USP34: variants seen among roughly 807,000 people sequenced by gnomAD.
The protein encoded by USP34 is ubiquitin carboxyl-terminal hydrolase 34.
In USP34, 70 loss-of-function variants were observed where a neutral mutation model predicts 460.3. The observed-to-expected ratio is 0.15, with a 90% confidence interval of 0.13 to 0.19. The LOEUF (loss-of-function observed/expected upper bound fraction) is 0.19, where lower values mean the gene tolerates loss of function less well. Ranked by LOEUF, USP34 falls within the 10% of genes least tolerant of loss-of-function variation. USP34 has a pLI of 1.00. For synonymous variants in USP34, 1,647 were observed against 1,405.3 expected (o/e 1.17, Z -3.85); for missense variants, 3,985 against 4,236.2 (o/e 0.94, Z 1.65).
intron 20 of USP34, among the ~76,000 whole-genome samples, chr2:61,327,721 T>C (rs1002033177): frequency 3.3e-5 from 5 of 152,140 alleles, no homozygotes; most frequent in Non-Finnish European, 7.3e-5. Context: ...ATGCTGCACT[T>C]CAAAGATCTC....
At position 61,454,494 on chromosome 2, in the gene USP34, TAGAGA is replaced by T. The variant is rs1030459472; in HGVS notation, c.43+16151_43+16155del. Among the ~76,000 whole-genome samples the T allele has an allele frequency of 5.3e-4, 80 of 152,158 alleles. 1 individual carries two copies. The East Asian group carries it at 0.012, about 22-fold the overall frequency. On this transcript the variant is annotated intron_variant, in intron 1 of 79. Transcript: ENST00000398571. ...GGAAAGCACTGGATCCATGGAGTTA[TAGAGA>T]AAACTTCTCTGTGTACTTTCATAAA...
At chr2:61,293,261 T>C (rs184079475) in intron 33 of USP34, among the ~76,000 whole-genome samples, 15 of 152,282 alleles carry the variant, frequency 9.9e-5, no homozygotes, top group Admixed American at 6.5e-4. Flanking sequence ...ATTAATTTTA[T>C]CAGAAGAATT....
At chr2:61,388,532 G>A (rs2442034) in intron 5 of USP34, among the ~76,000 whole-genome samples, 52,339 of 150,782 alleles carry the variant, frequency 0.35, 9,280 homozygotes, top group Admixed American at 0.4. Flanking sequence ...CGATGCAGGC[G>A]GATCATGAGG....
At chr2:61,463,725 T>G (rs540938345) in intron 1 of USP34, among the ~76,000 whole-genome samples, 1 of 151,740 alleles carries the variant, frequency 6.6e-6, no homozygotes, top group East Asian at 1.9e-4. Flanking sequence ...TCCCAGCTAC[T>G]CAGGAGGCTG....
chr2:61,410,850 A>T (rs908582129), intron 2 of USP34, among the ~76,000 whole-genome samples: 5 of 152,182 alleles, frequency 3.3e-5, no homozygotes, highest in African/African-American at 1.2e-4. Flanking sequence ...TTTACAAAGA[A>T]AAAGAAAAAT....
At chr2:61,428,810 G>C (rs914367942) in intron 1 of USP34, among the ~76,000 whole-genome samples, 2 of 152,108 alleles carry the variant, frequency 1.3e-5, no homozygotes, top group Non-Finnish European at 2.9e-5. Flanking sequence ...TAGGAAGTGA[G>C]GTTTGAAAAT....
At chr2:61,261,334 A>T (rs1028608594) in intron 43 of USP34, among the ~76,000 whole-genome samples, 1 of 152,260 alleles carries the variant, frequency 6.6e-6, no homozygotes, top group Non-Finnish European at 1.5e-5. Context: ...AAAAGGAAAG[A>T]ACTTCTGACA....
At chr2:61,275,211 G>A (rs998785164) in intron 41 of USP34, among the ~76,000 whole-genome samples, 1 of 152,128 alleles carries the variant, frequency 6.6e-6, no homozygotes, top group South Asian at 2.1e-4. Context: ...CCTGGGAGGT[G>A]GAGGTTGCAG....
chr2:61,407,461 A>G (rs1188385548), intron 2 of USP34, among the ~76,000 whole-genome samples: 1 of 152,228 alleles, frequency 6.6e-6, no homozygotes, highest in African/African-American at 2.4e-5. Context: ...CTAAGCAACT[A>G]TAATTTATAA....
In USP34 at chr2:61,317,780, A is replaced by G; in HGVS notation, c.3169-13T>C. On this transcript the variant is annotated splice_polypyrimidine_tract_variant and intron_variant, in intron 22 of 79. Transcript: ENST00000398571. Reference sequence around the variant, plus strand: ...TTAGCTGGGGCATCTTTGGAAGGGTAGGGGGAAACACAAAGCTAATTTAGT... The same window carrying G: ...TTAGCTGGGGCATCTTTGGAAGGGTGGGGGGAAACACAAAGCTAATTTAGT... 1 of 1,597,546 alleles carries G rather than the reference A, an allele frequency of 6.3e-7. No individual in the cohort carries two copies. The highest frequency in any genetic ancestry group is 8.6e-7 in the Non-Finnish European group (1 of 1,167,162).
chr2:61,250,259 G>A (rs933347876), intron 48 of USP34: 2 of 181,906 alleles, frequency 1.1e-5, no homozygotes, highest in East Asian at 1.8e-4. Context: ...GTTATATTGA[G>A]AGAAGGAAAG....
intron 1 of USP34, among the ~76,000 whole-genome samples, chr2:61,454,306 T>C (rs1262483321): frequency 2.0e-5 from 3 of 152,002 alleles, no homozygotes; most frequent in Non-Finnish European, 4.4e-5. Flanking sequence ...TTGTTTTTAG[T>C]AGAGATAGGG....
chr2:61,356,003 G>GA (rs1051856810), intron 10 of USP34, among the ~76,000 whole-genome samples: 1 of 151,930 alleles, frequency 6.6e-6, no homozygotes, highest in African/African-American at 2.4e-5. Context: ...AAGGTTACCA[G>GA]AAAAAAACAA....
chr2:61,191,400 A>G (rs1018349853), intron 76 of USP34: 1 of 151,932 alleles, frequency 6.6e-6, no homozygotes, highest in Non-Finnish European at 1.5e-5. Flanking sequence ...TTATATATAT[A>G]TATATATGCA....
At chr2:61,395,040 G>A (rs143974734) in intron 4 of USP34, 38 bp from the exon 5 acceptor site, 16 of 1,543,830 alleles carry the variant, frequency 1.0e-5, no homozygotes, top group East Asian at 4.6e-5. Flanking sequence ...ATTTGAAAAC[G>A]TACAAATAAT....
At chr2:61,348,610 GA>G in intron 14 of USP34, 130 bp from the exon 15 acceptor site, 1 of 1,437,162 alleles carries the variant, frequency 7.0e-7, no homozygotes, top group South Asian at 1.5e-5. Context: ...ATACAAAATG[GA>G]ATTAAAAACT....
chr2:61,291,189 A>C (rs183344673), intron 33 of USP34, among the ~76,000 whole-genome samples: 55 of 152,312 alleles, frequency 3.6e-4, no homozygotes, highest in African/African-American at 1.2e-3. Context: ...GCCAATAAGC[A>C]CATGGAAAGA....
chr2:61,395,456 C>G (rs1413756265), intron 3 of USP34, among the ~76,000 whole-genome samples: 2 of 152,192 alleles, frequency 1.3e-5, no homozygotes, highest in African/African-American at 4.8e-5. Flanking sequence ...ATACTACACA[C>G]TATTTTGCCT....
At chr2:61,401,689 C>CA (rs1573005662) in intron 3 of USP34, among the ~76,000 whole-genome samples, 3 of 150,354 alleles carry the variant, frequency 2.0e-5, no homozygotes, top group Non-Finnish European at 4.4e-5. Context: ...GCTGGGACTA[C>CA]AGGCACCCGC....
Sources: allele counts gnomAD v4.1 joint callset (sites outside exome capture counted in the v4.1 genomes callset), GRCh38; gene constraint gnomAD v4.1.1; transcripts MANE v1.5; gene names NCBI Gene and HGNC (gene_info 2026-07-23, HGNC 2026-07-21).